Variants in STK24 observed in about 807,000 individuals in gnomAD.
STK24 encodes serine/threonine-protein kinase 24.
A neutral mutation model predicts 55.6 loss-of-function variants in STK24; 21 were observed. The observed-to-expected ratio is 0.38, with a 90% confidence interval of 0.27 to 0.54. The LOEUF is 0.54. Among genes scored for constraint, STK24 ranks in the 20% least tolerant of loss-of-function variants. STK24 has a pLI of 0.79. For synonymous variants in STK24, 200 were observed against 215.2 expected (o/e 0.93, Z 0.62); for missense variants, 383 against 538.4 (o/e 0.71, Z 2.86).
Position 98,517,469 on chromosome 13 carries a change from T to C in STK24, c.273+1774A>G, listed in dbSNP as rs1277805685. Among the ~76,000 whole-genome samples the C allele has an allele frequency of 3.9e-5, 6 of 152,040 alleles. No homozygotes were observed. The South Asian group carries it at 1.0e-3, about 26-fold the overall frequency. On this transcript the variant is annotated intron_variant, in intron 2 of 10. Coordinates refer to ENST00000539966, the MANE Select transcript of STK24 (RefSeq NM_001032296.4). ...GGTGAAACCCCATCTCTACTAAAAA[T>C]ACAAAAATTAGCCGGGCACGGTGGT...
chr13:98,505,930 T>G (rs575320174), intron 2 of STK24, among the ~76,000 whole-genome samples: 1 of 152,200 alleles, frequency 6.6e-6, no homozygotes, highest in Admixed American at 6.5e-5. Context: ...ATATCAAACA[T>G]ACAAAGAAAG....
At chr13:98,549,602 T>A (rs1897112494) in intron 1 of STK24, among the ~76,000 whole-genome samples, 1 of 152,090 alleles carries the variant, frequency 6.6e-6, no homozygotes, top group South Asian at 2.1e-4. Flanking sequence ...CTGCTCCCAC[T>A]CTCGCCATGT....
rs557908337 is a variant in STK24 at position 98,554,238 on chromosome 13, A to G, written c.42+22507T>C. ...CAAGGCTGTGAAAAAATAACAACAA[A>G]CGTCCTCATTATTCCAGGAAACCCC... On this transcript the variant is annotated intron_variant, in intron 1 of 10. Coordinates refer to ENST00000539966, the MANE Select transcript of STK24 (RefSeq NM_001032296.4). Among the ~76,000 whole-genome samples the G allele has an allele frequency of 8.5e-5, 13 of 152,210 alleles. No homozygotes were observed. The East Asian group carries it at 2.5e-3, about 29-fold the overall frequency.
intron 1 of STK24, among the ~76,000 whole-genome samples, chr13:98,552,604 T>G (rs1342036354): frequency 6.6e-6 from 1 of 152,102 alleles, no homozygotes; most frequent in Non-Finnish European, 1.5e-5. Flanking sequence ...CTATGAGAAC[T>G]GCCCATTAGA....
At position 98,452,469 on chromosome 13, in the gene STK24, A is replaced by C. The variant is rs1893247098; in HGVS notation, c.*704T>G. On this transcript the variant is annotated 3_prime_UTR_variant, in exon 11 of 11. Coordinates refer to ENST00000539966, the MANE Select transcript of STK24 (RefSeq NM_001032296.4). The stretch of plus-strand genomic sequence containing the variant: ...CAAAAGGGGCGTAGGGCAAACGGGG[A>C]AAATTTGCATTTGTTGAGGTACAAA... 1.3e-5 allele frequency: 2 copies of C among 152,682 alleles called. No homozygotes were observed. The highest frequency in any genetic ancestry group is 4.1e-4 in the South Asian group (2 of 4,832). The allele number at this position is 152,682 out of a possible 1,614,324, so 9.5% of individuals were successfully genotyped here. A position where few individuals can be genotyped will look rare whatever the true frequency, so the allele number is the denominator to read the frequency against.
chr13:98,539,055 G>A (rs1896813591), intron 1 of STK24, among the ~76,000 whole-genome samples: 1 of 152,186 alleles, frequency 6.6e-6, no homozygotes, highest in Non-Finnish European at 1.5e-5. Flanking sequence ...CTGACATCCA[G>A]CTGTACACAG....
chr13:98,473,063 T>G (rs1318705227), intron 5 of STK24, among the ~76,000 whole-genome samples: 1 of 151,382 alleles, frequency 6.6e-6, no homozygotes, highest in Admixed American at 6.6e-5. Context: ...CGCTTGCTCC[T>G]AAAGTGCTGT....
chr13:98,503,024 G>GGTTTTTTTTTTTTTTTTTTTTTTT (rs759314930), intron 2 of STK24, among the ~76,000 whole-genome samples: 1 of 107,084 alleles, frequency 9.3e-6, no homozygotes, highest in African/African-American at 4.0e-5. Context: ...CTTTCCATGT[G>GGTTTTTTTTTTTTTTTTTTTTTTT]TTTTTTTTTT....
At chr13:98,558,436 ACCAG>A (rs988596736) in intron 1 of STK24, among the ~76,000 whole-genome samples, 1 of 152,100 alleles carries the variant, frequency 6.6e-6, no homozygotes, top group Non-Finnish European at 1.5e-5. Context: ...GCGGTACAAC[ACCAG>A]GAGGGCACTA....
chr13:98,553,289 G>A (rs943685685), intron 1 of STK24: 8 of 152,268 alleles, frequency 5.3e-5, no homozygotes, highest in African/African-American at 9.6e-5. Context: ...CATCACATGC[G>A]TTAGTGTGCA....
intron 2 of STK24, among the ~76,000 whole-genome samples, chr13:98,487,900 T>C (rs1298694403): frequency 6.6e-6 from 1 of 152,152 alleles, no homozygotes; most frequent in Non-Finnish European, 1.5e-5. Context: ...CTGTCCCATA[T>C]ATGGCCTCAG....
intron 1 of STK24, among the ~76,000 whole-genome samples, chr13:98,569,761 C>T (rs1316934276): frequency 6.6e-6 from 1 of 150,598 alleles, no homozygotes; most frequent in African/African-American, 2.4e-5. Flanking sequence ...TGGGGGAGAG[C>T]GGGGAGCCCA....
chr13:98,519,702 A>G (rs550032041), intron 1 of STK24, among the ~76,000 whole-genome samples: 74 of 152,338 alleles, frequency 4.9e-4, no homozygotes, highest in African/African-American at 1.7e-3. Flanking sequence ...CAAGCGTACA[A>G]TAAGAACAAT....
intron 7 of STK24, among the ~76,000 whole-genome samples, chr13:98,462,682 G>A (rs377533783): frequency 4.6e-5 from 7 of 152,168 alleles, no homozygotes; most frequent in Admixed American, 2.0e-4. Context: ...CCCTAAGCCC[G>A]CTTCACCTGC....
chr13:98,481,137 G>A (rs139949950), intron 3 of STK24, among the ~76,000 whole-genome samples: 229 of 152,276 alleles, frequency 1.5e-3, no homozygotes, highest in African/African-American at 4.6e-3. Context: ...CAGTGACTTC[G>A]CTGCACAGCC....
chr13:98,520,303 A>AT (rs1304103132), intron 1 of STK24, among the ~76,000 whole-genome samples: 1 of 152,194 alleles, frequency 6.6e-6, no homozygotes, highest in African/African-American at 2.4e-5. Context: ...ATATCTCCCC[A>AT]CAAATAACTG....
intron 5 of STK24, among the ~76,000 whole-genome samples, chr13:98,473,065 A>C (rs1208014512): frequency 6.6e-6 from 1 of 151,202 alleles, no homozygotes; most frequent in Non-Finnish European, 1.5e-5. Flanking sequence ...CTTGCTCCTA[A>C]AGTGCTGTTA....
intron 1 of STK24, among the ~76,000 whole-genome samples, chr13:98,547,526 C>T (rs146918698): frequency 7.5e-4 from 114 of 152,274 alleles, no homozygotes; most frequent in Non-Finnish European, 1.2e-3. Context: ...CCAGCCTAAG[C>T]GACAGAATGA....
Position 98,446,733 on chromosome 13 carries a change from A to T in STK24, c.*6440T>A. On this transcript the variant is annotated 3_prime_UTR_variant, in exon 11 of 11. Transcript: ENST00000539966. Reference sequence around the variant, plus strand: ...CTCACCATCCCCTCTGAGTCCGAGAACATCCAGAAAGACTACGTGTTCAAG... The same window carrying T: ...CTCACCATCCCCTCTGAGTCCGAGATCATCCAGAAAGACTACGTGTTCAAG... 6.2e-7 allele frequency: 1 copy of T among 1,614,182 alleles called. No individual in the cohort carries two copies. Among genetic ancestry groups the T allele is most frequent in the Non-Finnish European group, 8.5e-7 (1 of 1,180,022 alleles).
Sources: allele counts gnomAD v4.1 joint callset (sites outside exome capture counted in the v4.1 genomes callset), GRCh38; gene constraint gnomAD v4.1.1; transcripts MANE v1.5; gene names NCBI Gene and HGNC (gene_info 2026-07-23, HGNC 2026-07-21).